Variants in CACNG4 observed in about 807,000 individuals in gnomAD.
The protein encoded by CACNG4 is calcium voltage-gated channel auxiliary subunit gamma 4.
A neutral mutation model predicts 22.9 loss-of-function variants in CACNG4; 8 were observed. The observed-to-expected ratio is 0.35, with a 90% CI of 0.21 to 0.63. CACNG4 has a LOEUF of 0.63. Ranked by LOEUF, CACNG4 falls within the 30% of genes least tolerant of loss-of-function variation. The pLI is 0.72. For synonymous variants in CACNG4, 188 were observed against 191.9 expected, an observed-to-expected ratio of 0.98 and a Z score of 0.17; for missense variants, 357 against 455.4, an observed-to-expected ratio of 0.78 and a Z score of 1.97.
At chr17:67,029,075 A>G (rs532396506) in intron 3 of CACNG4, among the ~76,000 whole-genome samples, 39 of 152,050 alleles carry the variant, frequency 2.6e-4, no homozygotes, top group African/African-American at 8.2e-4. Context: ...GCTCACACCT[A>G]TTATCCCAGC....
intron 2 of CACNG4, among the ~76,000 whole-genome samples, chr17:67,020,588 C>T (rs1465737797): frequency 2.0e-5 from 3 of 152,158 alleles, no homozygotes; most frequent in Non-Finnish European, 2.9e-5. Flanking sequence ...TTTTTCCACT[C>T]GGTGGCTGCA....
intron 1 of CACNG4, 95 bp downstream of exon 1, chr17:66,965,226 GCGCACACACT>G: frequency 2.8e-6 from 2 of 719,306 alleles, no homozygotes; most frequent in Non-Finnish European, 4.2e-6. Flanking sequence ...ACACACACAC[GCGCACACACT>G]GCCCGGCGCG....
chr17:67,026,066 T>A (rs927641268), intron 3 of CACNG4, among the ~76,000 whole-genome samples: 5 of 151,842 alleles, frequency 3.3e-5, no homozygotes, highest in African/African-American at 7.3e-5. Flanking sequence ...GGTGTATGTG[T>A]GTGTTTGAGG....
chr17:66,983,889 T>C (rs937206655), intron 1 of CACNG4, among the ~76,000 whole-genome samples: 5 of 152,206 alleles, frequency 3.3e-5, no homozygotes, highest in African/African-American at 1.2e-4. Context: ...TCATACCCTG[T>C]TCAAAAGCAG....
At chr17:67,008,743 T>C (rs2035451465) in intron 1 of CACNG4, among the ~76,000 whole-genome samples, 1 of 152,000 alleles carries the variant, frequency 6.6e-6, no homozygotes, top group African/African-American at 2.4e-5. Context: ...AGGTCAGGAG[T>C]TCGACACCAG....
chr17:67,010,076 G>T (rs1380119430), intron 1 of CACNG4, among the ~76,000 whole-genome samples: 2 of 151,772 alleles, frequency 1.3e-5, no homozygotes, highest in African/African-American at 4.8e-5. Flanking sequence ...TGCCCCGACT[G>T]CCCCCTTTGT....
chr17:67,009,437 TG>T (rs1371611151), intron 1 of CACNG4, among the ~76,000 whole-genome samples: 1 of 152,196 alleles, frequency 6.6e-6, no homozygotes, highest in East Asian at 1.9e-4. Context: ...ATCATTGCTC[TG>T]GGCTGCATTT....
intron 1 of CACNG4, among the ~76,000 whole-genome samples, chr17:66,979,205 C>T (rs2035256277): frequency 6.6e-6 from 1 of 152,244 alleles, no homozygotes; most frequent in Non-Finnish European, 1.5e-5. Flanking sequence ...TTCTCTTCCT[C>T]TCGTCCCTCT....
At chr17:67,012,270 T>G (rs550860251) in intron 1 of CACNG4, among the ~76,000 whole-genome samples, 1 of 152,348 alleles carries the variant, frequency 6.6e-6, no homozygotes, top group African/African-American at 2.4e-5. Context: ...ATCGTTCTGC[T>G]GTGAGCCTTG....
At chr17:66,993,428 C>T (rs1190960866) in intron 1 of CACNG4, among the ~76,000 whole-genome samples, 1 of 152,144 alleles carries the variant, frequency 6.6e-6, no homozygotes, top group Non-Finnish European at 1.5e-5. Context: ...TTCATCTTCC[C>T]AGAGGAGAGT....
At chr17:66,978,035 C>T (rs989330488) in intron 1 of CACNG4, among the ~76,000 whole-genome samples, 1 of 152,134 alleles carries the variant, frequency 6.6e-6, no homozygotes, top group Non-Finnish European at 1.5e-5. Flanking sequence ...CACAGGGCTC[C>T]CCGCACATCT....
In CACNG4 at chr17:66,972,358, C is replaced by G. The variant is rs573923869; in HGVS notation, c.220+7227C>G. ...CCTGTAGCACTGCTGACACTGGGGC[C>G]GGATCCTCTGTCACAGGAGCTGTCC... On this transcript the variant is annotated intron_variant, in intron 1 of 3. Coordinates refer to ENST00000262138, the MANE Select transcript of CACNG4 (RefSeq NM_014405.4). Among the ~76,000 whole-genome samples, 301 of 152,230 alleles carry G rather than the reference C, an allele frequency of 2.0e-3. 1 individual carries two copies. Among genetic ancestry groups the G allele is most frequent in the Middle Eastern group, 3.4e-3 (1 of 294 alleles).
intron 1 of CACNG4, among the ~76,000 whole-genome samples, chr17:66,970,244 T>G (rs2035195738): frequency 6.6e-6 from 1 of 152,184 alleles, no homozygotes; most frequent in African/African-American, 2.4e-5. Flanking sequence ...TTCTGTCCAC[T>G]AGTCAGGGGA....
At chr17:66,970,339 T>C in intron 1 of CACNG4, among the ~76,000 whole-genome samples, 1 of 152,204 alleles carries the variant, frequency 6.6e-6, no homozygotes, top group South Asian at 2.1e-4. Context: ...TCATAAAATA[T>C]GATAGACTGG....
At chr17:67,005,251 G>C (rs1212621632) in intron 1 of CACNG4, among the ~76,000 whole-genome samples, 1 of 152,150 alleles carries the variant, frequency 6.6e-6, no homozygotes, top group Non-Finnish European at 1.5e-5. Context: ...GTCCAGCTTG[G>C]GCCAGAGGTC....
At chr17:66,966,923 A>C (rs1413384353) in intron 1 of CACNG4, among the ~76,000 whole-genome samples, 1 of 152,156 alleles carries the variant, frequency 6.6e-6, no homozygotes, top group Admixed American at 6.5e-5. Flanking sequence ...CTGCCACAGC[A>C]CCTGAGCTGG....
intron 1 of CACNG4, among the ~76,000 whole-genome samples, chr17:66,980,534 A>G (rs550662027): frequency 1.8e-4 from 27 of 151,908 alleles, no homozygotes; most frequent in Middle Eastern, 6.9e-3. Context: ...AGCAGGCTTC[A>G]TTGCACCAAA....
At chr17:67,010,331 T>C (rs905966679) in intron 1 of CACNG4, among the ~76,000 whole-genome samples, 1 of 151,836 alleles carries the variant, frequency 6.6e-6, no homozygotes, top group Non-Finnish European at 1.5e-5. Context: ...TCCTAAGGAG[T>C]GTTGGGGACA....
intron 3 of CACNG4, 99 bp downstream of exon 3, chr17:67,025,099 G>A: frequency 1.7e-6 from 2 of 1,161,158 alleles, no homozygotes; most frequent in Non-Finnish European, 2.3e-6. Context: ...CATCCTAGAG[G>A]GGAATGCAGA....
Sources: allele counts gnomAD v4.1 joint callset (sites outside exome capture counted in the v4.1 genomes callset), GRCh38; gene constraint gnomAD v4.1.1; transcripts MANE v1.5; gene names NCBI Gene and HGNC (gene_info 2026-07-23, HGNC 2026-07-21).